The following NCOR2 variants were observed in gnomAD, a reference collection of about 807,000 sequenced individuals.
NCOR2 encodes the protein CTG repeat protein 26.
In NCOR2, 81 loss-of-function variants were observed where a neutral mutation model predicts 262.9. The ratio of observed to expected loss-of-function variants is 0.31; its 90% confidence interval spans 0.26 to 0.37. The LOEUF (loss-of-function observed/expected upper bound fraction) is 0.37. NCOR2 is among the 10% of genes least tolerant of loss of function. The pLI is 1.00. For missense variants in NCOR2, 3,385 were observed against 3,621.4 expected, an observed-to-expected ratio of 0.93 and a Z score of 1.68; for synonymous variants, 1,659 against 1,559.3, an observed-to-expected ratio of 1.06 and a Z score of -1.51.
intron 16 of NCOR2, among the ~76,000 whole-genome samples, chr12:124,395,692 C>T (rs980297453): frequency 6.6e-5 from 10 of 151,898 alleles, no homozygotes; most frequent in Non-Finnish European, 1.2e-4. Context: ...AGGCAATGGG[C>T]GGTGGGGGCG....
At chr12:124,501,062 G>GCACGCGCA (rs1164232439) in intron 1 of NCOR2, among the ~76,000 whole-genome samples, 10 of 147,810 alleles carry the variant, frequency 6.8e-5, no homozygotes, top group Non-Finnish European at 9.0e-5. Flanking sequence ...GCGCACGCGC[G>GCACGCGCA]CACACACACA....
exon 17 of NCOR2, chr12:124,385,802 G>A: frequency 1.2e-6 from 2 of 1,614,082 alleles, no homozygotes; most frequent in Non-Finnish European, 1.7e-6. Context: ...TCTTGTAGTT[G>A]AAGTAGAAGT....
chr12:124,429,316 A>AGGG, intron 10 of NCOR2: 1 of 426,628 alleles, frequency 2.3e-6, no homozygotes, highest in Non-Finnish European at 4.3e-6. Flanking sequence ...AGTGAGAGGC[A>AGGG]GGGTCCTCGT....
intron 21 of NCOR2, among the ~76,000 whole-genome samples, chr12:124,362,670 G>A (rs865835167): frequency 1.1e-4 from 17 of 148,538 alleles, no homozygotes; most frequent in Middle Eastern, 3.8e-3. Flanking sequence ...TGAACAGGGG[G>A]ACCCACCTCC....
rs78792352 is a variant in NCOR2, at chr12:124,361,672, C to T, written c.3100+454G>A. Among the ~76,000 whole-genome samples the T allele has an allele frequency of 5.1e-3, 779 of 152,338 alleles. 35 individuals carry two copies. The East Asian group carries it at 0.1, about 20-fold the overall frequency. On this transcript the variant is annotated intron_variant, in intron 22 of 46. Transcript: ENST00000405201. ...CCCAGGCCCCAGAGCTGCTGCCAGC[C>T]GGGTGCTGGGCCCCATCTGTGATTC...
chr12:124,536,230 C>G (rs1045209217), upstream of NCOR2, among the ~76,000 whole-genome samples: 1 of 152,128 alleles, frequency 6.6e-6, no homozygotes, highest in Admixed American at 6.5e-5. Flanking sequence ...GCACGTGCCA[C>G]CATGCCCGGC....
At chr12:124,373,681 C>T (rs71458839) in intron 19 of NCOR2, among the ~76,000 whole-genome samples, 2,040 of 76,166 alleles carry the variant, frequency 0.027, 98 homozygotes, top group African/African-American at 0.042. Context: ...CCAGTGCGTG[C>T]GCAGGGGCCC....
intron 17 of NCOR2, among the ~76,000 whole-genome samples, chr12:124,384,648 T>C (rs1241809810): frequency 6.6e-6 from 1 of 152,170 alleles, no homozygotes. Flanking sequence ...GGGGAGGCTA[T>C]ACCTGGTCCT....
At chr12:124,434,960 G>A (rs2044247525) in intron 8 of NCOR2, among the ~76,000 whole-genome samples, 1 of 152,182 alleles carries the variant, frequency 6.6e-6, no homozygotes, top group South Asian at 2.1e-4. Flanking sequence ...ACAAATACAT[G>A]TATTAAGAAT....
chr12:124,434,574 G>A (rs765300024), intron 8 of NCOR2, among the ~76,000 whole-genome samples: 1 of 152,114 alleles, frequency 6.6e-6, no homozygotes, highest in Non-Finnish European at 1.5e-5. Flanking sequence ...TCCAGCCTGA[G>A]CTCCTTCCAG....
intron 30 of NCOR2, chr12:124,347,425 A>G (rs2037027802): frequency 4.9e-6 from 1 of 204,222 alleles, no homozygotes; most frequent in Admixed American, 5.4e-5. Flanking sequence ...CAAAGCTGCC[A>G]AGTTCACAGT....
At chr12:124,484,182 C>T (rs1435681458) in intron 2 of NCOR2, among the ~76,000 whole-genome samples, 2 of 152,212 alleles carry the variant, frequency 1.3e-5, no homozygotes, top group South Asian at 2.1e-4. Flanking sequence ...ACAGTCCATC[C>T]GGGAAACGCT....
intron 20 of NCOR2, 145 bp from the exon 23 acceptor site, chr12:124,363,944 A>T (rs527840958): frequency 3.3e-5 from 20 of 609,406 alleles, no homozygotes; most frequent in Middle Eastern, 4.9e-4. Flanking sequence ...TGTGCAGCTC[A>T]CCCAGATAAT....
Position 124,342,977 on chromosome 12 carries a change from A to G in NCOR2, c.4936+28T>C, listed in dbSNP as rs759005735. On this transcript the variant is annotated intron_variant, in intron 33 of 46. Transcript: ENST00000405201. ...CCGTGGCCCTGTTCAGCACCACTGCAGGGTTCTGGGAGCCCCAGGGCAATC... is the reference window on the plus strand; with the variant it reads ...CCGTGGCCCTGTTCAGCACCACTGCGGGGTTCTGGGAGCCCCAGGGCAATC... 5 of 1,607,636 alleles carry G rather than the reference A, an allele frequency of 3.1e-6. 1 individual carries two copies. The highest frequency in any genetic ancestry group is 2.2e-4 in the Middle Eastern group (1 of 4,456).
intron 7 of NCOR2, among the ~76,000 whole-genome samples, chr12:124,445,704 A>T (rs2045124441): frequency 6.6e-6 from 1 of 152,098 alleles, no homozygotes; most frequent in East Asian, 1.9e-4. Context: ...CACTTATCAC[A>T]ATGTATTTAT....
intron 1 of NCOR2, among the ~76,000 whole-genome samples, chr12:124,491,147 G>A (rs2048062117): frequency 7.4e-6 from 1 of 135,312 alleles, no homozygotes; most frequent in Non-Finnish European, 1.6e-5. Context: ...GGCCTGCAAA[G>A]CCTGAAATAT....
chr12:124,397,491 G>A (rs747611053), intron 16 of NCOR2, among the ~76,000 whole-genome samples: 13 of 152,160 alleles, frequency 8.5e-5, no homozygotes, highest in African/African-American at 2.2e-4. Context: ...CCATCTGCTC[G>A]GGATGGCTTC....
intron 1 of NCOR2, among the ~76,000 whole-genome samples, chr12:124,493,455 G>A (rs533210632): frequency 1.2e-4 from 18 of 152,316 alleles, no homozygotes; most frequent in African/African-American, 3.8e-4. Flanking sequence ...TTTACCCCTC[G>A]TGAGAATCTA....
chr12:124,449,242 T>A (rs916301617), intron 7 of NCOR2, among the ~76,000 whole-genome samples: 7 of 152,046 alleles, frequency 4.6e-5, no homozygotes, highest in Non-Finnish European at 8.8e-5. Flanking sequence ...TTTTCTTCCC[T>A]CCTAGCACCG....
Sources: gnomAD v4.1 joint callset for allele counts (sites outside exome capture counted in the v4.1 genomes callset) on GRCh38, gnomAD v4.1.1 for gene constraint, MANE v1.5 for transcripts, NCBI Gene and HGNC (gene_info 2026-07-23, HGNC 2026-07-21) for gene names.